ELOVL5: variants seen among roughly 807,000 people sequenced by gnomAD.
ELOVL5 encodes the protein very long chain fatty acid elongase 5.
ELOVL5 carries 8 observed loss-of-function variants against 38.6 expected under a neutral mutation model. That is an observed-to-expected ratio of 0.21 (90% CI 0.12 to 0.37). ELOVL5 has a LOEUF of 0.37. Ranked by LOEUF, ELOVL5 falls within the 10% of genes least tolerant of loss-of-function variation. The probability of loss-of-function intolerance (pLI) is 1.00; values close to 1 mark genes in which losing one functional copy is unlikely to be tolerated. For missense variants in ELOVL5, 280 were observed against 367.8 expected (o/e 0.76, Z 1.95); for synonymous variants, 127 against 133.7 (o/e 0.95, Z 0.34).
At chr6:53,287,856 A>C (rs1182604400) in intron 3 of ELOVL5, 1 of 1,535,340 alleles carries the variant, frequency 6.5e-7, no homozygotes, top group African/African-American at 1.4e-5. Flanking sequence ...ACTGCACAAC[A>C]CTGACCCTGT....
intron 2 of ELOVL5, among the ~76,000 whole-genome samples, chr6:53,293,461 A>G (rs1973915): frequency 0.38 from 58,102 of 151,838 alleles, 12,856 homozygotes; most frequent in African/African-American, 0.62. Flanking sequence ...GGGACTATAG[A>G]CACACACCAC....
intron 1 of ELOVL5, among the ~76,000 whole-genome samples, chr6:53,311,324 T>C (rs1767821627): frequency 1.3e-5 from 2 of 151,890 alleles, no homozygotes. Context: ...AAACAGAAAA[T>C]AACAAATACT....
intron 3 of ELOVL5, among the ~76,000 whole-genome samples, chr6:53,284,876 G>A (rs966045646): frequency 6.6e-6 from 1 of 152,078 alleles, no homozygotes; most frequent in Non-Finnish European, 1.5e-5. Flanking sequence ...TTGTTTTGAG[G>A]TGCCATGAAC....
chr6:53,301,242 C>T (rs951792098), intron 1 of ELOVL5, among the ~76,000 whole-genome samples: 1 of 152,124 alleles, frequency 6.6e-6, no homozygotes, highest in Non-Finnish European at 1.5e-5. Flanking sequence ...TTCTGAGCTA[C>T]GGTGGGCCAA....
chr6:53,324,803 C>A (rs1044781148), intron 1 of ELOVL5, among the ~76,000 whole-genome samples: 2 of 149,246 alleles, frequency 1.3e-5, no homozygotes, highest in East Asian at 2.0e-4. Context: ...GCTATCATAC[C>A]AAAAAAAAAT....
In ELOVL5 at chr6:53,269,083, T is replaced by C; in HGVS notation, c.*44A>G. ...CATTGGGGCACAACTCATATTGTGC[T>C]TACAATCAGATGACGTGGTTTGGAG... On this transcript the variant is annotated 3_prime_UTR_variant, in exon 8 of 8. Coordinates refer to ENST00000304434, the MANE Select transcript of ELOVL5 (RefSeq NM_021814.5). 6.2e-7 allele frequency: 1 copy of C among 1,605,044 alleles called. No homozygotes were observed. The highest frequency in any genetic ancestry group is 1.1e-5 in the South Asian group (1 of 89,886).
chr6:53,272,179 G>A (rs1765953059), intron 6 of ELOVL5, among the ~76,000 whole-genome samples: 1 of 152,078 alleles, frequency 6.6e-6, no homozygotes, highest in Non-Finnish European at 1.5e-5. Flanking sequence ...GAATCAGCTT[G>A]GTGTGTTTAG....
At chr6:53,323,222 T>G (rs1413663383) in intron 1 of ELOVL5, among the ~76,000 whole-genome samples, 1 of 152,140 alleles carries the variant, frequency 6.6e-6, no homozygotes, top group Non-Finnish European at 1.5e-5. Flanking sequence ...CACTACTGGG[T>G]CCCAAGTAGT....
intron 1 of ELOVL5, among the ~76,000 whole-genome samples, chr6:53,329,685 A>G (rs9474488): frequency 0.36 from 55,211 of 151,942 alleles, 11,140 homozygotes; most frequent in African/African-American, 0.55. Context: ...TTAGCCGGGC[A>G]TGGTAGTAGG....
At chr6:53,279,658 G>A (rs1031056227) in intron 3 of ELOVL5, among the ~76,000 whole-genome samples, 1 of 152,154 alleles carries the variant, frequency 6.6e-6, no homozygotes. Flanking sequence ...GCAATAAAGA[G>A]AGCTTCATAG....
At chr6:53,337,510 C>T (rs980975511) in intron 1 of ELOVL5, among the ~76,000 whole-genome samples, 3 of 152,134 alleles carry the variant, frequency 2.0e-5, no homozygotes, top group African/African-American at 7.2e-5. Flanking sequence ...AGTCTCCTGC[C>T]CAGGTAAGCT....
intron 1 of ELOVL5, among the ~76,000 whole-genome samples, chr6:53,301,438 C>A (rs1182904492): frequency 2.6e-5 from 4 of 152,296 alleles, no homozygotes; most frequent in Admixed American, 2.6e-4. Flanking sequence ...CTGGCTGGTT[C>A]CCCACACACT....
At chr6:53,330,718 CTTTTGTAAT>C (rs1215122624) in intron 1 of ELOVL5, among the ~76,000 whole-genome samples, 1 of 151,824 alleles carries the variant, frequency 6.6e-6, no homozygotes, top group Non-Finnish European at 1.5e-5. Context: ...ACTTTTGACT[CTTTTGTAAT>C]TAACACAACA....
chr6:53,269,111 T>G lies in ELOVL5; in HGVS notation c.*16A>C, dbSNP rs1220912506. The G allele has an allele frequency of 1.2e-6, 2 of 1,609,880 alleles. No individual in the cohort carries two copies. The highest frequency in any genetic ancestry group is 2.7e-5 in the African/African-American group (2 of 74,572). Reference sequence around the variant, plus strand: ...CAATCAGATGACGTGGTTTGGAGGGTTTCAATTCTTTGACTTCAATCCTTC... The same window carrying G: ...CAATCAGATGACGTGGTTTGGAGGGGTTCAATTCTTTGACTTCAATCCTTC... On this transcript the variant is annotated 3_prime_UTR_variant, in exon 8 of 8. Transcript: ENST00000304434.
At chr6:53,328,320 A>G (rs963200228) in intron 1 of ELOVL5, among the ~76,000 whole-genome samples, 1 of 152,222 alleles carries the variant, frequency 6.6e-6, no homozygotes, top group Non-Finnish European at 1.5e-5. Flanking sequence ...TCCCATTAAA[A>G]AAAATCTGAG....
chr6:53,338,603 C>T (rs1292946511), intron 1 of ELOVL5, among the ~76,000 whole-genome samples: 1 of 152,208 alleles, frequency 6.6e-6, no homozygotes, highest in Non-Finnish European at 1.5e-5. Context: ...AGATACTACA[C>T]ACGCCTCTAA....
At chr6:53,275,696 CAGA>C (rs1766085170) in intron 4 of ELOVL5, among the ~76,000 whole-genome samples, 2 of 152,210 alleles carry the variant, frequency 1.3e-5, no homozygotes, top group Non-Finnish European at 2.9e-5. Flanking sequence ...GAAAAGGAAT[CAGA>C]ACCTGCAGTG....
At chr6:53,287,053 A>G (rs1420028435) in intron 3 of ELOVL5, among the ~76,000 whole-genome samples, 1 of 152,242 alleles carries the variant, frequency 6.6e-6, no homozygotes, top group African/African-American at 2.4e-5. Context: ...TAGTTCCAAA[A>G]TTACAATTTA....
intron 1 of ELOVL5, among the ~76,000 whole-genome samples, chr6:53,328,022 C>T (rs983218021): frequency 1.3e-5 from 2 of 152,118 alleles, no homozygotes; most frequent in African/African-American, 2.4e-5. Context: ...CCTCTAGTTC[C>T]GTTTCCAGCA....
Sources: allele counts gnomAD v4.1 joint callset (sites outside exome capture counted in the v4.1 genomes callset), GRCh38; gene constraint gnomAD v4.1.1; transcripts MANE v1.5; gene names NCBI Gene and HGNC (gene_info 2026-07-23, HGNC 2026-07-21).